Variants in DNAAF4 observed in about 807,000 individuals in gnomAD.
The protein encoded by DNAAF4 is dynein assembly factor 4, axonemal.
A neutral mutation model predicts 51.8 loss-of-function variants in DNAAF4; 43 were observed. The observed-to-expected ratio is 0.83, with a 90% CI of 0.65 to 1.07. DNAAF4 has a LOEUF of 1.07. Among genes scored for constraint, DNAAF4 ranks in the 50% least tolerant of loss-of-function variants. DNAAF4 has a pLI of 0.00. For synonymous variants in DNAAF4, 194 were observed against 165.6 expected, an observed-to-expected ratio of 1.17 and a Z score of -1.32; for missense variants, 581 against 493.0, an observed-to-expected ratio of 1.18 and a Z score of -1.69.
intron 4 of DNAAF4, among the ~76,000 whole-genome samples, chr15:55,484,500 A>C (rs543877751): frequency 1.7e-4 from 26 of 152,046 alleles, no homozygotes; most frequent in African/African-American, 6.0e-4. Context: ...AAAAAAAAAA[A>C]AAAACAGAAT....
At chr15:55,433,910 A>G (rs1305152628) in intron 8 of DNAAF4, among the ~76,000 whole-genome samples, 2 of 5,002 alleles carry the variant, frequency 4.0e-4, no homozygotes, top group East Asian at 6.4e-3. Context: ...TATATTATAT[A>G]TAATTATATA....
At chr15:55,495,319 C>A (rs1356122284) in intron 3 of DNAAF4, 58 of 151,454 alleles carry the variant, frequency 3.8e-4, no homozygotes. Context: ...CTACCTTGGT[C>A]TTGGAAATTA....
chr15:55,459,767 A>C (rs937859649), intron 5 of DNAAF4, among the ~76,000 whole-genome samples: 15 of 150,932 alleles, frequency 9.9e-5, no homozygotes, highest in Admixed American at 2.6e-4. Context: ...GTAGTGGTGC[A>C]ATCTTGGCTC....
intron 5 of DNAAF4, among the ~76,000 whole-genome samples, chr15:55,462,116 C>A (rs2058101262): frequency 6.6e-6 from 1 of 151,340 alleles, no homozygotes; most frequent in African/African-American, 2.4e-5. Flanking sequence ...CTGAAAAGAC[C>A]AATAGCAGGT....
chr15:55,483,833 C>CATTTTTTT (rs1567028675), intron 4 of DNAAF4, among the ~76,000 whole-genome samples: 5 of 82,504 alleles, frequency 6.1e-5, no homozygotes, highest in African/African-American at 2.4e-4. Flanking sequence ...GCCAATAAAG[C>CATTTTTTT]TTTTTTTTTT....
chr15:55,460,179 A>ATTTTT (rs760588937), intron 5 of DNAAF4, among the ~76,000 whole-genome samples: 4 of 123,792 alleles, frequency 3.2e-5, no homozygotes, highest in Non-Finnish European at 5.7e-5. Flanking sequence ...TTATTTACTT[A>ATTTTT]TTTATTTATT....
At chr15:55,497,105 A>C (rs2058650686) in intron 3 of DNAAF4, among the ~76,000 whole-genome samples, 1 of 152,104 alleles carries the variant, frequency 6.6e-6, no homozygotes, top group Admixed American at 6.6e-5. Flanking sequence ...AGCGGCCTAC[A>C]TCCCCTCCCC....
chr15:55,468,374 A>G (rs2058200289), intron 4 of DNAAF4, among the ~76,000 whole-genome samples: 1 of 152,194 alleles, frequency 6.6e-6, no homozygotes, highest in African/African-American at 2.4e-5. Context: ...CACTGAATGA[A>G]AATTTCCTGT....
intron 6 of DNAAF4, among the ~76,000 whole-genome samples, chr15:55,445,162 G>C (rs562068377): frequency 6.6e-6 from 1 of 151,138 alleles, no homozygotes; most frequent in Non-Finnish European, 1.5e-5. Flanking sequence ...AAAGGTCTCT[G>C]GTTTTCCTAG....
chr15:55,488,840 G>A (rs2058528874), intron 4 of DNAAF4, among the ~76,000 whole-genome samples: 1 of 152,148 alleles, frequency 6.6e-6, no homozygotes, highest in African/African-American at 2.4e-5. Flanking sequence ...TGTAATCCCA[G>A]CACTTCGGGA....
At chr15:55,469,249 G>A (rs933598007) in intron 4 of DNAAF4, among the ~76,000 whole-genome samples, 3 of 151,714 alleles carry the variant, frequency 2.0e-5, no homozygotes. Context: ...AGAATCATTT[G>A]AACCTGGGAG....
intron 6 of DNAAF4, chr15:55,442,764 A>G: frequency 1.3e-6 from 2 of 1,597,766 alleles, no homozygotes. Context: ...CAAGTTGGCT[A>G]TTTATCCTAA....
At chr15:55,484,717 TGCAA>T (rs1262789097) in intron 4 of DNAAF4, among the ~76,000 whole-genome samples, 21 of 152,180 alleles carry the variant, frequency 1.4e-4, no homozygotes, top group Non-Finnish European at 5.9e-5. Context: ...ATAGGCCTGC[TGCAA>T]GCTGTGAAGC....
At position 55,467,170 on chromosome 15, in the gene DNAAF4, A is replaced by C. The variant is rs1357309993; in HGVS notation, c.406-9T>G. On this transcript the variant is annotated splice_polypyrimidine_tract_variant and intron_variant, in intron 4 of 9. Coordinates refer to ENST00000321149, the MANE Select transcript of DNAAF4 (RefSeq NM_130810.4). ...CTCTCTTCTTCTTCAATCTATAACA[A>C]TTGCAATTACCAAATTCTTTAAAAT... 6.6e-7 allele frequency: 1 copy of C among 1,511,768 alleles called. No individual in the cohort carries two copies. The highest frequency in any genetic ancestry group is 1.4e-5 in the African/African-American group (1 of 70,490). 93.6% of individuals were successfully genotyped at this position (1,511,768 alleles called of 1,614,324 possible). A position where few individuals can be genotyped will look rare whatever the true frequency, so the allele number is the denominator to read the frequency against.
chr15:55,495,700 C>T (rs2058631644), intron 3 of DNAAF4, among the ~76,000 whole-genome samples: 1 of 152,082 alleles, frequency 6.6e-6, no homozygotes, highest in South Asian at 2.1e-4. Flanking sequence ...ACACCAACCG[C>T]ACTCCAGCGT....
At chr15:55,444,755 C>T (rs1485135378) in intron 6 of DNAAF4, among the ~76,000 whole-genome samples, 1 of 152,142 alleles carries the variant, frequency 6.6e-6, no homozygotes, top group Non-Finnish European at 1.5e-5. Context: ...TTGAAGAGGT[C>T]CTTCACATAC....
intron 6 of DNAAF4, chr15:55,442,971 A>G (rs2057738029): frequency 6.2e-7 from 1 of 1,611,324 alleles, no homozygotes; most frequent in Non-Finnish European, 8.5e-7. Flanking sequence ...TCTCAACGTC[A>G]TTGTAGAACA....
chr15:55,496,174 T>C (rs2058638568), intron 3 of DNAAF4, among the ~76,000 whole-genome samples: 1 of 152,140 alleles, frequency 6.6e-6, no homozygotes, highest in South Asian at 2.1e-4. Context: ...GAGGTTGCAG[T>C]GAGCCGAGAT....
chr15:55,484,429 G>A (rs1317105176), intron 4 of DNAAF4, among the ~76,000 whole-genome samples: 4 of 150,914 alleles, frequency 2.7e-5, no homozygotes, highest in African/African-American at 9.8e-5. Flanking sequence ...AGCTTGCAGT[G>A]AGCCGAGATC....
Sources: gnomAD v4.1 joint callset for allele counts (sites outside exome capture counted in the v4.1 genomes callset) on GRCh38, gnomAD v4.1.1 for gene constraint, MANE v1.5 for transcripts, NCBI Gene and HGNC (gene_info 2026-07-23, HGNC 2026-07-21) for gene names.